The following NAV3 variants were observed in gnomAD, a reference collection of about 807,000 sequenced individuals.
NAV3 encodes neuron navigator 3, also known as pore membrane and/or filament interacting like protein 1.
Under a neutral mutation model 244.7 loss-of-function variants are expected in NAV3, and 87 were observed. That is an observed-to-expected ratio of 0.36 (90% CI 0.30 to 0.42). The LOEUF (loss-of-function observed/expected upper bound fraction) is 0.42. NAV3 is among the 20% of genes least tolerant of loss of function. The pLI, the probability that NAV3 is intolerant of heterozygous loss-of-function variation, is 1.00. For missense variants in NAV3, 2,663 were observed against 2,893.3 expected, an observed-to-expected ratio of 0.92 and a Z score of 1.83; for synonymous variants, 1,126 against 1,042.2, an observed-to-expected ratio of 1.08 and a Z score of -1.55.
intron 2 of NAV3, among the ~76,000 whole-genome samples, chr12:77,811,261 A>G (rs926365512): frequency 1.3e-5 from 2 of 152,170 alleles, no homozygotes; most frequent in African/African-American, 4.8e-5. Context: ...ATCACTTAAG[A>G]GCATGATAAT....
chr12:78,177,116 AGG>A (rs763521217), intron 26 of NAV3, 23 bp from the exon 27 acceptor site: 1 of 1,612,242 alleles, frequency 6.2e-7, no homozygotes, highest in African/African-American at 1.3e-5. Flanking sequence ...ATAGACAAGA[AGG>A]GTAATTTCTG....
intron 1 of NAV3, among the ~76,000 whole-genome samples, chr12:77,859,758 C>CAAAAAAAAAAAAAAAAAAAAA (rs61516625): frequency 4.4e-5 from 3 of 68,718 alleles, no homozygotes; most frequent in Admixed American, 2.2e-4. Flanking sequence ...CTTTCAAATG[C>CAAAAAAAAAAAAAAAAAAAAA]AAAAAAAAAA....
Position 77,691,333 on chromosome 12 carries a change from G to GTACATATATATATATATATA in NAV3, c.72+119068_72+119069insACATATATATATATATATAT, listed in dbSNP as rs1214933751. 7.9e-3 allele frequency among the ~76,000 whole-genome samples: 795 copies of GTACATATATATATATATATA among 100,866 alleles called. 23 individuals are homozygous for GTACATATATATATATATATA. The highest frequency in any genetic ancestry group is 0.023 in the African/African-American group (590 of 26,050). The allele number at this position is 100,866 out of a possible 152,430, so 66.2% of individuals were successfully genotyped here. A position where few individuals can be genotyped will look rare whatever the true frequency, so the allele number is the denominator to read the frequency against. Reference sequence around the variant, plus strand: ...TAGTCATATATAAGTATTTGTGTATGTGTGTATATATATATATATATACAT... The same window carrying GTACATATATATATATATATA: ...TAGTCATATATAAGTATTTGTGTATGTACATATATATATATATATATGTGTATATATATATATATATACAT... On this transcript the variant is annotated intron_variant, in intron 2 of 8. Transcript: ENST00000550042.
chr12:78,132,860 T>C (rs987454187), intron 18 of NAV3, among the ~76,000 whole-genome samples: 1 of 152,140 alleles, frequency 6.6e-6, no homozygotes, highest in African/African-American at 2.4e-5. Context: ...TTTTCTTCTA[T>C]TTGTCTTATA....
chr12:77,988,680 G>T (rs1000719481), intron 5 of NAV3, among the ~76,000 whole-genome samples: 27 of 151,976 alleles, frequency 1.8e-4, no homozygotes, highest in Non-Finnish European at 2.9e-5. Context: ...TGATCATACA[G>T]GATTTCAGAA....
At chr12:77,637,391 A>T (rs11106075) in intron 2 of NAV3, among the ~76,000 whole-genome samples, 31,266 of 152,008 alleles carry the variant, frequency 0.21, 3,750 homozygotes, top group African/African-American at 0.33. Flanking sequence ...CAGAAATTCT[A>T]TACTTCTTTG....
chr12:77,878,109 G>A (rs769849159), intron 1 of NAV3, among the ~76,000 whole-genome samples: 40 of 152,124 alleles, frequency 2.6e-4, no homozygotes, highest in Non-Finnish European at 4.0e-4. Context: ...AGCCTAAGGG[G>A]ATATGCCAAC....
At chr12:77,809,170 AG>A (rs1362547599) in intron 2 of NAV3, among the ~76,000 whole-genome samples, 7 of 152,086 alleles carry the variant, frequency 4.6e-5, no homozygotes, top group Admixed American at 3.3e-4. Context: ...CCCCCTTTCC[AG>A]GGGATTGAAC....
At chr12:78,001,405 A>C (rs1873281530) in intron 7 of NAV3, among the ~76,000 whole-genome samples, 2 of 152,246 alleles carry the variant, frequency 1.3e-5, no homozygotes. Context: ...CTCTGAGAGG[A>C]TGAGTTACAT....
At chr12:77,851,275 G>T (rs1316411477) in intron 1 of NAV3, among the ~76,000 whole-genome samples, 1 of 152,106 alleles carries the variant, frequency 6.6e-6, no homozygotes, top group Non-Finnish European at 1.5e-5. Flanking sequence ...AATTCAAATT[G>T]TATCTTATCT....
At chr12:78,012,183 T>G (rs935481726) in intron 8 of NAV3, among the ~76,000 whole-genome samples, 9 of 152,142 alleles carry the variant, frequency 5.9e-5, no homozygotes, top group Non-Finnish European at 2.9e-5. Context: ...TACATCAAAT[T>G]TTCAGCTAGT....
In NAV3 at chr12:78,177,172, A is replaced by C. The variant is rs199927896; in HGVS notation, c.5156A>C (p.Lys1719Thr). The C allele has an allele frequency of 3.1e-6, 5 of 1,613,416 alleles. No homozygotes were observed. The East Asian group carries it at 1.1e-4, about 36-fold the overall frequency. The change falls in exon 27 of 40, where the codon AAG (lysine) becomes ACG (threonine). Residue 1719 changes from lysine (K) to threonine (T), a missense_variant. Physicochemically the swap from Lys to Thr is moderately conservative, Grantham distance 78. Transcript: ENST00000397909. ...LRSSFKQAFG[K>T]KKSTKPPSSH... ...AGTTCTTTCAAACAAGCCTTTGGGA[A>C]GAAAAAGTCCACCAAGCCTCCTTCA...
chr12:78,083,743 T>C (rs1324755960), intron 12 of NAV3, among the ~76,000 whole-genome samples: 4 of 152,168 alleles, frequency 2.6e-5, no homozygotes, highest in Non-Finnish European at 5.9e-5. Context: ...ATTTTTCCAG[T>C]TCGCTTCCTT....
rs571745651 is a variant in NAV3 at position 77,896,054 on chromosome 12, T to G, written c.244-44265T>G. On this transcript the variant is annotated intron_variant, in intron 1 of 39. Transcript: ENST00000397909. ...ATGAGAAAGTGCCAATGTTAGAAAA[T>G]TAATGAATTAAACAATATAGTAAGG... 1.0e-3 allele frequency among the ~76,000 whole-genome samples: 152 copies of G among 151,534 alleles called. 1 individual carries two copies. The highest frequency in any genetic ancestry group is 3.3e-3 in the Admixed American group (50 of 15,200).
At chr12:77,771,172 A>T (rs1870064255) in intron 2 of NAV3, among the ~76,000 whole-genome samples, 1 of 152,358 alleles carries the variant, frequency 6.6e-6, no homozygotes, top group South Asian at 2.1e-4. Context: ...AATGCTCATC[A>T]TCACTAGCCA....
chr12:77,826,632 A>C (rs1488547354), upstream of NAV3, among the ~76,000 whole-genome samples: 1 of 152,366 alleles, frequency 6.6e-6, no homozygotes, highest in Middle Eastern at 3.4e-3. Flanking sequence ...CTAATGTTAC[A>C]TATAACACAT....
chr12:77,884,298 G>A (rs1883023253), intron 1 of NAV3, among the ~76,000 whole-genome samples: 1 of 152,094 alleles, frequency 6.6e-6, no homozygotes, highest in Non-Finnish European at 1.5e-5. Context: ...TAGATTGATA[G>A]ATAGAAAAGA....
rs1485095404 is a variant in NAV3, at chr12:78,135,566, T to C, written c.4442-1611T>C. Among the ~76,000 whole-genome samples the C allele has an allele frequency of 3.3e-5, 5 of 152,194 alleles. No individual in the cohort carries two copies. In the East Asian group the frequency reaches 5.8e-4, roughly 18 times the overall value. On this transcript the variant is annotated intron_variant, in intron 18 of 39. Coordinates refer to ENST00000397909, the MANE Select transcript of NAV3 (RefSeq NM_001024383.2). ...ATCCTCCTAACCCTATAGATACGTA[T>C]ACTAAAATGATGCACTTGCAAATTT... is the stretch of plus-strand genomic sequence containing the variant.
intron 2 of NAV3, among the ~76,000 whole-genome samples, chr12:77,628,902 C>CAAATAAAAAA (rs1871759281): frequency 1.2e-5 from 1 of 86,656 alleles, no homozygotes; most frequent in African/African-American, 4.2e-5. Flanking sequence ...ACCCTGTCTC[C>CAAATAAAAAA]AAAAAAAAAA....
Sources: allele counts gnomAD v4.1 joint callset (sites outside exome capture counted in the v4.1 genomes callset), GRCh38; gene constraint gnomAD v4.1.1; transcripts MANE v1.5; gene names NCBI Gene and HGNC (gene_info 2026-07-23, HGNC 2026-07-21).